DCBLD2: variants seen among roughly 807,000 people sequenced by gnomAD.
DCBLD2 encodes the protein discoidin, CUB and LCCL domain containing 2, also known as discoidin, CUB and LCCL domain-containing protein 2.
A neutral mutation model predicts 86.8 loss-of-function variants in DCBLD2; 54 were observed. The ratio of observed to expected loss-of-function variants is 0.62; its 90% CI spans 0.50 to 0.78. The LOEUF (loss-of-function observed/expected upper bound fraction) is 0.78, where lower values mean the gene tolerates loss of function less well. DCBLD2 is among the 30% of genes least tolerant of loss of function. DCBLD2 has a pLI of 0.00. For missense variants in DCBLD2, 908 were observed against 954.2 expected (o/e 0.95, Z 0.64); for synonymous variants, 354 against 341.3 (o/e 1.04, Z -0.41).
At chr3:98,839,208 T>TTCCTTCCTTCCTTCC (rs1401408187) in intron 3 of DCBLD2, among the ~76,000 whole-genome samples, 3 of 107,548 alleles carry the variant, frequency 2.8e-5, no homozygotes, top group African/African-American at 9.0e-5. Context: ...TCCTTCCTTC[T>TTCCTTCCTTCCTTCC]TTCTTTCCTT....
rs372584623 is a variant in DCBLD2 at position 98,808,182 on chromosome 3, T to C, written c.1577-8A>G. ...CTGCAGCCAGCGCTACATCTGAAGT[T>C]ACAAAGACAAAAACAGACAAACAAA... On this transcript the variant is annotated splice_polypyrimidine_tract_variant and splice_region_variant and intron_variant, in intron 12 of 15. Transcript: ENST00000326840. 1.9e-6 allele frequency: 3 copies of C among 1,588,752 alleles called. No homozygotes were observed. Among genetic ancestry groups the C allele is most frequent in the Non-Finnish European group, 2.6e-6 (3 of 1,169,068 alleles).
intron 8 of DCBLD2, 91 bp from the exon 9 acceptor site, chr3:98,817,984 C>T: frequency 1.4e-6 from 2 of 1,448,628 alleles, no homozygotes; most frequent in Admixed American, 2.1e-5. Context: ...AAATGCACAG[C>T]TCGAACATTT....
chr3:98,820,890 T>C (rs1942109413), intron 6 of DCBLD2: 1 of 151,008 alleles, frequency 6.6e-6, no homozygotes, highest in Non-Finnish European at 1.5e-5. Flanking sequence ...GTTTTCTTTT[T>C]TAAAGTATGA....
intron 4 of DCBLD2, among the ~76,000 whole-genome samples, chr3:98,825,035 G>A (rs1213793880): frequency 6.6e-6 from 1 of 152,102 alleles, no homozygotes; most frequent in East Asian, 1.9e-4. Context: ...TTTACTAGGA[G>A]TTTTGCTAGA....
At chr3:98,865,027 T>C (rs1460972546) in intron 2 of DCBLD2, among the ~76,000 whole-genome samples, 1 of 152,122 alleles carries the variant, frequency 6.6e-6, no homozygotes, top group African/African-American at 2.4e-5. Context: ...TAAATTAGTA[T>C]AGCTGTTATG....
chr3:98,803,002 T>A (rs1337694974), intron 13 of DCBLD2, among the ~76,000 whole-genome samples: 3 of 152,232 alleles, frequency 2.0e-5, no homozygotes, highest in South Asian at 2.1e-4. Flanking sequence ...AGCTTTGTTC[T>A]TTTGGCTTAG....
chr3:98,838,506 G>C (rs1040506405), intron 3 of DCBLD2, among the ~76,000 whole-genome samples: 1 of 144,896 alleles, frequency 6.9e-6, no homozygotes, highest in Admixed American at 6.9e-5. Flanking sequence ...GGGAAGAGGC[G>C]CTCCTCACTT....
At chr3:98,812,957 A>G (rs1278306842) in intron 9 of DCBLD2, 1 of 152,742 alleles carries the variant, frequency 6.5e-6, no homozygotes, top group Non-Finnish European at 1.5e-5. Flanking sequence ...GTGAACATAT[A>G]CTAACAAACA....
At chr3:98,843,225 C>A (rs1295869150) in intron 3 of DCBLD2, among the ~76,000 whole-genome samples, 2 of 152,126 alleles carry the variant, frequency 1.3e-5, no homozygotes, top group African/African-American at 4.8e-5. Context: ...TATACATACT[C>A]ATTTGTATGG....
At chr3:98,812,127 C>T (rs1384307873) in intron 10 of DCBLD2, among the ~76,000 whole-genome samples, 2 of 151,124 alleles carry the variant, frequency 1.3e-5, no homozygotes, top group East Asian at 3.9e-4. Context: ...GCTATTTCTT[C>T]TTCCACTTAT....
intron 1 of DCBLD2, among the ~76,000 whole-genome samples, chr3:98,893,219 C>G (rs532120382): frequency 6.6e-6 from 1 of 151,908 alleles, no homozygotes; most frequent in South Asian, 2.1e-4. Context: ...TACTTGCTAC[C>G]CAGATTCAAT....
chr3:98,879,270 T>C (rs1161976710), intron 2 of DCBLD2, among the ~76,000 whole-genome samples: 2 of 152,216 alleles, frequency 1.3e-5, no homozygotes, highest in South Asian at 2.1e-4. Context: ...TCCTAGACAT[T>C]TGAACTTGAG....
intron 3 of DCBLD2, among the ~76,000 whole-genome samples, chr3:98,837,851 G>A (rs1226858116): frequency 2.0e-4 from 29 of 145,446 alleles, no homozygotes; most frequent in Admixed American, 4.0e-4. Context: ...CGGACGGGGC[G>A]GCTGGCCATG....
rs183410997 is a variant in DCBLD2, at chr3:98,801,175, T to A, written c.1720+425A>T. On this transcript the variant is annotated intron_variant, in intron 14 of 15. Transcript: ENST00000326840. ...TTGCAGCAATTCAGAAGATGACAAC[T>A]CATCATGGGAGACCTCCCGATTCCT... 721 of 239,118 alleles carry A rather than the reference T, an allele frequency of 3.0e-3. 3 individuals are homozygous for A. The highest frequency in any genetic ancestry group is 3.9e-3 in the Non-Finnish European group (484 of 124,780). 14.8% of individuals were successfully genotyped at this position (239,118 alleles called of 1,614,324 possible).
chr3:98,839,938 T>C (rs532931897), intron 3 of DCBLD2, among the ~76,000 whole-genome samples: 2 of 152,234 alleles, frequency 1.3e-5, no homozygotes, highest in African/African-American at 2.4e-5. Context: ...AGTGAGGTGT[T>C]AGGTATTTGA....
intron 9 of DCBLD2, among the ~76,000 whole-genome samples, chr3:98,817,495 A>G (rs762054630): frequency 2.0e-5 from 3 of 152,220 alleles, no homozygotes; most frequent in Non-Finnish European, 4.4e-5. Context: ...TCCCTTTTAG[A>G]CTTTCTTAAT....
rs187087841 is a variant in DCBLD2, at chr3:98,846,172, A to T, written c.571+3289T>A. 2.4e-4 allele frequency among the ~76,000 whole-genome samples: 37 copies of T among 152,330 alleles called. No homozygotes were observed. In the East Asian group the frequency reaches 6.6e-3, roughly 27 times the overall value. ...TGCACAAGGTAATGAGAATTAGTCT[A>T]TCTCATGCAAAATGATGACTCTATC... On this transcript the variant is annotated intron_variant, in intron 3 of 15. Coordinates refer to ENST00000326840, the MANE Select transcript of DCBLD2 (RefSeq NM_080927.4).
At chr3:98,860,985 A>C (rs992549063) in intron 2 of DCBLD2, among the ~76,000 whole-genome samples, 1 of 152,238 alleles carries the variant, frequency 6.6e-6, no homozygotes, top group African/African-American at 2.4e-5. Context: ...GACCCATCTC[A>C]CATGCAGAGA....
At chr3:98,836,728 A>AT (rs1482426426) in intron 3 of DCBLD2, among the ~76,000 whole-genome samples, 1 of 25,078 alleles carries the variant, frequency 4.0e-5, no homozygotes, top group Non-Finnish European at 1.2e-4. Flanking sequence ...GGGGGGGCTG[A>AT]CCCCCCCATC....
Sources: gnomAD v4.1 joint callset for allele counts (sites outside exome capture counted in the v4.1 genomes callset) on GRCh38, gnomAD v4.1.1 for gene constraint, MANE v1.5 for transcripts, NCBI Gene and HGNC (gene_info 2026-07-23, HGNC 2026-07-21) for gene names.